TXK: variants seen among roughly 807,000 people sequenced by gnomAD.
The protein encoded by TXK is TXK tyrosine kinase.
TXK carries 60 observed loss-of-function variants against 81.0 expected under a neutral mutation model. The ratio of observed to expected loss-of-function variants is 0.74; its 90% CI spans 0.60 to 0.92. The LOEUF (loss-of-function observed/expected upper bound fraction) is 0.92, where lower values mean the gene tolerates loss of function less well. Ranked by LOEUF, TXK falls within the 40% of genes least tolerant of loss-of-function variation. The probability of loss-of-function intolerance (pLI) is 0.00; values close to 1 mark genes in which losing one functional copy is unlikely to be tolerated. For synonymous variants in TXK, 203 were observed against 210.7 expected, an observed-to-expected ratio of 0.96 and a Z score of 0.32; for missense variants, 581 against 638.3, an observed-to-expected ratio of 0.91 and a Z score of 0.97.
At chr4:48,096,481 A>G (rs1188783128) in intron 6 of TXK, among the ~76,000 whole-genome samples, 1 of 152,152 alleles carries the variant, frequency 6.6e-6, no homozygotes, top group African/African-American at 2.4e-5. Flanking sequence ...AAACTAAAAA[A>G]GCTCCTATCA....
intron 1 of TXK, among the ~76,000 whole-genome samples, chr4:48,124,621 G>A (rs1449392561): frequency 6.6e-6 from 1 of 151,880 alleles, no homozygotes; most frequent in South Asian, 2.1e-4. Flanking sequence ...GCTGGCCACA[G>A]AGAAAGCTAA....
At chr4:48,114,228 A>T in intron 2 of TXK, 120 bp downstream of exon 2, 7 of 982,170 alleles carry the variant, frequency 7.1e-6, no homozygotes, top group Non-Finnish European at 1.1e-5. Flanking sequence ...ACAGGGAGAA[A>T]ATGGGAGAAG....
intron 1 of TXK, among the ~76,000 whole-genome samples, chr4:48,123,469 C>T (rs186829967): frequency 1.3e-3 from 200 of 152,296 alleles, no homozygotes; most frequent in Non-Finnish European, 2.5e-3. Flanking sequence ...TCCTGAGCCC[C>T]ACCCTTTGTA....
intron 6 of TXK, among the ~76,000 whole-genome samples, chr4:48,099,499 A>T (rs1718106125): frequency 1.3e-5 from 2 of 152,286 alleles, no homozygotes; most frequent in East Asian, 1.9e-4. Flanking sequence ...ATGCCTGAAA[A>T]TTTTTTTCCC....
At chr4:48,125,287 C>T (rs188501218) in intron 1 of TXK, among the ~76,000 whole-genome samples, 3 of 152,324 alleles carry the variant, frequency 2.0e-5, no homozygotes, top group Admixed American at 6.5e-5. Flanking sequence ...ATACCAGCTA[C>T]TCTCAGTTAC....
chr4:48,100,441 G>T (rs1718150639), intron 6 of TXK, among the ~76,000 whole-genome samples: 1 of 152,052 alleles, frequency 6.6e-6, no homozygotes, highest in Non-Finnish European at 1.5e-5. Context: ...ATAAAATTTA[G>T]CATATAAAAA....
intron 9 of TXK, chr4:48,089,275 T>C (rs1430771644): frequency 6.6e-6 from 1 of 152,478 alleles, no homozygotes; most frequent in African/African-American, 2.4e-5. Context: ...CCTTATGAGA[T>C]GCACATATTT....
At chr4:48,114,673 C>T in intron 1 of TXK, 1 of 399,818 alleles carries the variant, frequency 2.5e-6, no homozygotes, top group Non-Finnish European at 4.5e-6. Context: ...AGTGTATTCT[C>T]TTTTACCTTT....
At chr4:48,114,508 C>T in intron 1 of TXK, 106 bp from the exon 2 acceptor site, 1 of 1,183,944 alleles carries the variant, frequency 8.4e-7, no homozygotes, top group Non-Finnish European at 1.2e-6. Flanking sequence ...GTATGAAAGT[C>T]TCGATCGTGC....
At chr4:48,096,650 TC>T (rs1717992418) in intron 6 of TXK, among the ~76,000 whole-genome samples, 1 of 152,116 alleles carries the variant, frequency 6.6e-6, no homozygotes, top group African/African-American at 2.4e-5. Context: ...TGCCTCAGCC[TC>T]CCCAGTAGCT....
intron 11 of TXK, 85 bp from the exon 12 acceptor site, chr4:48,076,551 A>G: frequency 9.8e-7 from 1 of 1,021,730 alleles, no homozygotes; most frequent in Non-Finnish European, 1.5e-6. Context: ...GGTTATTTGG[A>G]CCCCACACTA....
chr4:48,075,087 G>A (rs777099294), intron 12 of TXK, among the ~76,000 whole-genome samples: 4 of 151,992 alleles, frequency 2.6e-5, no homozygotes, highest in Non-Finnish European at 4.4e-5. Flanking sequence ...AGAGGAATGG[G>A]GGAAATAGAA....
intron 1 of TXK, among the ~76,000 whole-genome samples, chr4:48,121,800 C>CTGTT (rs1337633948): frequency 2.0e-5 from 3 of 151,908 alleles, no homozygotes; most frequent in African/African-American, 7.2e-5. Context: ...ATACAGAAGG[C>CTGTT]TGTTTATTCA....
rs139881249 is a variant in TXK at position 48,110,554 on chromosome 4, T to C, written c.430A>G (p.Asn144Asp). The C allele has an allele frequency of 6.6e-5, 106 of 1,610,594 alleles. No homozygotes were observed. The highest frequency in any genetic ancestry group is 3.3e-4 in the Middle Eastern group (2 of 6,042). Residue 144 changes from asparagine (N) to aspartate (D), a missense_variant, in exon 5 of 15, where the codon AAT becomes GAT. Physicochemically the swap from Asn to Asp is conservative, Grantham distance 23. Coordinates refer to ENST00000264316, the MANE Select transcript of TXK (RefSeq NM_003328.3). The part of the protein sequence containing the change: ...SNYVTENKIT[N>D]LEIYEWYHRN... ...AAGACTTACTCATATATTTCTAAAT[T>C]AGTTATTTTGTTTTCAGTCACATAG... is the stretch of plus-strand genomic sequence containing the variant.
intron 13 of TXK, 147 bp from the exon 14 acceptor site, chr4:48,071,821 A>G (rs1716870969): frequency 1.2e-6 from 1 of 856,884 alleles, no homozygotes; most frequent in Non-Finnish European, 1.8e-6. Flanking sequence ...CTGTCAAGGA[A>G]GCAAATCATG....
intron 6 of TXK, among the ~76,000 whole-genome samples, chr4:48,097,481 C>A (rs2109440739): frequency 6.7e-6 from 1 of 148,842 alleles, no homozygotes; most frequent in South Asian, 2.1e-4. Flanking sequence ...TGCGGTGGCG[C>A]CATCTCGGCT....
intron 1 of TXK, among the ~76,000 whole-genome samples, chr4:48,122,570 C>T (rs1397176240): frequency 6.6e-6 from 1 of 152,088 alleles, no homozygotes; most frequent in African/African-American, 2.4e-5. Flanking sequence ...ATTTATTTAC[C>T]TTTTTTTCTT....
intron 5 of TXK, among the ~76,000 whole-genome samples, chr4:48,106,611 A>G (rs1718468845): frequency 6.6e-6 from 1 of 152,170 alleles, no homozygotes. Context: ...TTAGATTTCT[A>G]TAAGTAAACA....
chr4:48,091,402 G>T (rs894367817), intron 8 of TXK, among the ~76,000 whole-genome samples: 8 of 152,174 alleles, frequency 5.3e-5, no homozygotes, highest in Non-Finnish European at 1.0e-4. Context: ...GGTATGATGG[G>T]ACTCATAAGC....
Sources: gnomAD v4.1 joint callset for allele counts (sites outside exome capture counted in the v4.1 genomes callset) on GRCh38, gnomAD v4.1.1 for gene constraint, MANE v1.5 for transcripts, NCBI Gene and HGNC (gene_info 2026-07-23, HGNC 2026-07-21) for gene names.